NCAM2: variants seen among roughly 807,000 people sequenced by gnomAD.
NCAM2 encodes the protein neural cell adhesion molecule 2.
In NCAM2, 30 loss-of-function variants were observed where a neutral mutation model predicts 98.1. That is an observed-to-expected ratio of 0.31 (90% CI 0.23 to 0.41). The LOEUF is 0.41. NCAM2 is among the 10% of genes least tolerant of loss of function. NCAM2 has a pLI of 1.00. For synonymous variants in NCAM2, 368 were observed against 342.4 expected, an observed-to-expected ratio of 1.07 and a Z score of -0.83; for missense variants, 867 against 1,005.8, an observed-to-expected ratio of 0.86 and a Z score of 1.87.
chr21:21,216,318 A>G (rs942045630), intron 1 of NCAM2, among the ~76,000 whole-genome samples: 4 of 152,214 alleles, frequency 2.6e-5, no homozygotes, highest in African/African-American at 7.2e-5. Context: ...GGAAGGGTGG[A>G]TTAAAAACTA....
intron 16 of NCAM2, among the ~76,000 whole-genome samples, chr21:21,530,560 ACT>A (rs1989636394): frequency 6.6e-6 from 1 of 150,848 alleles, no homozygotes; most frequent in African/African-American, 2.4e-5. Context: ...ATACACACAC[ACT>A]CACACACACA....
At chr21:21,103,473 T>C (rs896676838) in intron 1 of NCAM2, among the ~76,000 whole-genome samples, 3 of 106 alleles carry the variant, frequency 0.028, no homozygotes, top group Admixed American at 0.083. Flanking sequence ...AATGTATATA[T>C]GTACTGGAAG....
At position 21,272,508 on chromosome 21, in the gene NCAM2, GCACACA is replaced by G. The variant is rs57818703; in HGVS notation, c.56-8050_56-8045del. ...CACATACACACACATGCGCGCGCGC[GCACACA>G]CACACACACACACACACACTTCCTC... On this transcript the variant is annotated intron_variant, in intron 1 of 17. Transcript: ENST00000400546. Among the ~76,000 whole-genome samples, 170 of 149,404 alleles carry G rather than the reference GCACACA, an allele frequency of 1.1e-3. 3 individuals are homozygous for G. Among genetic ancestry groups the G allele is most frequent in the South Asian group, 6.4e-3 (30 of 4,690 alleles).
At chr21:21,110,229 T>A (rs1362154306) in intron 1 of NCAM2, among the ~76,000 whole-genome samples, 1 of 152,342 alleles carries the variant, frequency 6.6e-6, no homozygotes, top group East Asian at 1.9e-4. Flanking sequence ...CTATGTAGTT[T>A]ATATAAGAGT....
At chr21:21,038,643 T>C (rs1011506365) in intron 1 of NCAM2, among the ~76,000 whole-genome samples, 1 of 152,206 alleles carries the variant, frequency 6.6e-6, no homozygotes, top group Non-Finnish European at 1.5e-5. Context: ...GGTTATAAGC[T>C]TCCTAAGGCC....
chr21:21,466,592 T>C lies in NCAM2; in HGVS notation c.1655-14T>C, dbSNP rs773993166. ...ATATATGTTTTATTTTGTTTTGTTT[T>C]GTTTTTCTTCTAGCAATGGTTGTTT... On this transcript the variant is annotated splice_polypyrimidine_tract_variant and intron_variant, in intron 12 of 17. Transcript: ENST00000400546. 5.2e-6 allele frequency: 8 copies of C among 1,542,812 alleles called. No individual in the cohort carries two copies. Among genetic ancestry groups the C allele is most frequent in the Non-Finnish European group, 7.0e-6 (8 of 1,139,802 alleles).
chr21:21,259,345 A>ACCTACTGAACTGGAGCC (rs1169972087), intron 1 of NCAM2, among the ~76,000 whole-genome samples: 2 of 151,546 alleles, frequency 1.3e-5, no homozygotes, highest in South Asian at 4.3e-4. Context: ...GAACCAAAGC[A>ACCTACTGAACTGGAGCC]CAAAAACCGT....
rs2064550211 is a variant in NCAM2, at chr21:21,026,583, C to G, written c.55+27965C>G. On this transcript the variant is annotated intron_variant, in intron 1 of 17. Transcript: ENST00000400546. ...GAGGTTGCAGTGAGCTGAGATGGCA[C>G]CCCTGCACTCCAGCCTGGGCAATAC... 3.3e-5 allele frequency among the ~76,000 whole-genome samples: 5 copies of G among 151,656 alleles called. No homozygotes were observed. The South Asian group carries it at 1.0e-3, about 32-fold the overall frequency.
At chr21:21,360,201 A>C (rs182843242) in intron 8 of NCAM2, among the ~76,000 whole-genome samples, 2 of 152,060 alleles carry the variant, frequency 1.3e-5, no homozygotes, top group East Asian at 3.9e-4. Context: ...AATTGCCTTA[A>C]CACAGAAGTT....
intron 5 of NCAM2, among the ~76,000 whole-genome samples, chr21:21,311,184 T>A (rs1222851168): frequency 5.3e-5 from 8 of 152,198 alleles, no homozygotes. Flanking sequence ...ATTTTACTTT[T>A]TTTCTATCTT....
At chr21:21,100,032 T>A (rs1005091010) in intron 1 of NCAM2, among the ~76,000 whole-genome samples, 5 of 151,926 alleles carry the variant, frequency 3.3e-5, no homozygotes, top group African/African-American at 1.2e-4. Context: ...TTTCTACCTT[T>A]CCAACTGACC....
rs1281859232 is a variant in NCAM2 at position 21,534,615 on chromosome 21, A to G, written c.2361A>G (p.Pro787=). The change falls in exon 17 of 18, where the codon CCA becomes CCG. Residue 787 remains proline, a synonymous_variant. Transcript: ENST00000400546. ...ERVTNHEDGS[P]VNEPNETTPL... is the part of the protein sequence containing the mutation. ...TTACTAATCACGAAGATGGGAGCCC[A>G]GTAAATGAGCCAAATGAAACCACAC... 6.2e-7 allele frequency: 1 copy of G among 1,611,824 alleles called. No individual in the cohort carries two copies. The highest frequency in any genetic ancestry group is 8.5e-7 in the Non-Finnish European group (1 of 1,178,828).
chr21:21,049,688 A>G (rs1043358838), intron 1 of NCAM2, among the ~76,000 whole-genome samples: 1 of 152,122 alleles, frequency 6.6e-6, no homozygotes, highest in South Asian at 2.1e-4. Flanking sequence ...CCTGACCAAC[A>G]TGGAGAAACC....
chr21:20,999,130 T>G (rs2146090582), intron 1 of NCAM2, among the ~76,000 whole-genome samples: 1 of 152,114 alleles, frequency 6.6e-6, no homozygotes, highest in East Asian at 1.9e-4. Flanking sequence ...GACTATGAAG[T>G]GAATGATGAT....
intron 12 of NCAM2, among the ~76,000 whole-genome samples, chr21:21,433,440 T>C (rs2077387137): frequency 6.6e-6 from 1 of 151,930 alleles, no homozygotes; most frequent in African/African-American, 2.4e-5. Flanking sequence ...TTGTTTTATT[T>C]TATTAAAAGA....
intron 8 of NCAM2, among the ~76,000 whole-genome samples, chr21:21,371,305 G>C (rs2075909195): frequency 6.6e-6 from 1 of 151,732 alleles, no homozygotes; most frequent in Non-Finnish European, 1.5e-5. Context: ...TGGTTTTTCT[G>C]TCTACATATT....
chr21:21,398,515 TAAG>T (rs1257866725), intron 9 of NCAM2, among the ~76,000 whole-genome samples: 2 of 152,228 alleles, frequency 1.3e-5, no homozygotes, highest in Admixed American at 6.5e-5. Context: ...GATTAAGGTT[TAAG>T]AAGAAGAGTT....
intron 9 of NCAM2, among the ~76,000 whole-genome samples, chr21:21,409,961 G>A (rs925931144): frequency 3.3e-5 from 5 of 152,018 alleles, no homozygotes; most frequent in South Asian, 2.1e-4. Flanking sequence ...GTGAAACCCC[G>A]TCTCTACTAA....
chr21:21,256,312 C>T (rs192333254), intron 1 of NCAM2, among the ~76,000 whole-genome samples: 32 of 152,216 alleles, frequency 2.1e-4, no homozygotes, highest in African/African-American at 7.2e-4. Flanking sequence ...GCCGAGATCA[C>T]GCCATTGCAC....
Sources: gnomAD v4.1 joint callset for allele counts (sites outside exome capture counted in the v4.1 genomes callset) on GRCh38, gnomAD v4.1.1 for gene constraint, MANE v1.5 for transcripts, NCBI Gene and HGNC (gene_info 2026-07-23, HGNC 2026-07-21) for gene names.